STPG2: variants seen among roughly 807,000 people sequenced by gnomAD.
STPG2 encodes sperm tail PG-rich repeat containing 2, also known as sperm-tail PG-rich repeat-containing protein 2.
STPG2 carries 56 observed loss-of-function variants against 54.2 expected under a neutral mutation model. The ratio of observed to expected loss-of-function variants is 1.03; its 90% CI spans 0.83 to 1.29. The LOEUF (loss-of-function observed/expected upper bound fraction) is 1.29, where lower values mean the gene tolerates loss of function less well. Among genes scored for constraint, STPG2 ranks in the 50% most tolerant of loss-of-function variants. STPG2 has a pLI of 0.00. For missense variants in STPG2, 596 were observed against 544.9 expected (o/e 1.09, Z -0.93); for synonymous variants, 200 against 181.8 (o/e 1.10, Z -0.81).
chr4:98,044,273 C>T (rs896870156), intron 5 of STPG2, among the ~76,000 whole-genome samples: 1 of 152,072 alleles, frequency 6.6e-6, no homozygotes, highest in Non-Finnish European at 1.5e-5. Flanking sequence ...CCTTTACCAA[C>T]AAGTTTCATA....
intron 9 of STPG2, among the ~76,000 whole-genome samples, chr4:97,831,409 A>G (rs1728455802): frequency 6.6e-6 from 1 of 152,314 alleles, no homozygotes; most frequent in South Asian, 2.1e-4. Context: ...AAATGGCCAC[A>G]AGAGAAAGTA....
In STPG2 at chr4:97,840,806, G is replaced by C. The variant is rs528378286; in HGVS notation, c.1171C>G (p.Pro391Ala). Residue 391 changes from proline to alanine, a missense_variant, in exon 9 of 11, where the codon CCT becomes GCT. Coordinates refer to ENST00000295268, the MANE Select transcript of STPG2 (RefSeq NM_174952.3). ...RKHASFLSAT[P>A]RCLEKVTDGP... Reference sequence around the variant, plus strand: ...TCAGTCACTTTTTCTAGGCACCGAGGAGTTGCACTAAGAAAAGAGGCATGT... The same window carrying C: ...TCAGTCACTTTTTCTAGGCACCGAGCAGTTGCACTAAGAAAAGAGGCATGT... 1.6e-5 allele frequency: 25 copies of C among 1,611,814 alleles called. No individual in the cohort carries two copies. In the South Asian group the frequency reaches 2.7e-4, roughly 18 times the overall value.
intron 9 of STPG2, among the ~76,000 whole-genome samples, chr4:97,732,814 T>TG (rs60852380): frequency 0.018 from 2,674 of 151,868 alleles, 72 homozygotes; most frequent in African/African-American, 0.061. Context: ...GATATAAAAA[T>TG]GGCCAACAAA....
chr4:97,585,950 C>A (rs1331372944), intron 10 of STPG2, among the ~76,000 whole-genome samples: 1 of 151,700 alleles, frequency 6.6e-6, no homozygotes, highest in African/African-American at 2.4e-5. Flanking sequence ...AATTAAAAAT[C>A]GCCCATCATA....
At chr4:97,729,703 A>G (rs966287544) in intron 9 of STPG2, among the ~76,000 whole-genome samples, 1 of 152,144 alleles carries the variant, frequency 6.6e-6, no homozygotes, top group Non-Finnish European at 1.5e-5. Context: ...CCCTCCTAAC[A>G]AGAGTAACAA....
At chr4:97,668,428 G>A (rs1162970761) in intron 10 of STPG2, among the ~76,000 whole-genome samples, 1 of 152,134 alleles carries the variant, frequency 6.6e-6, no homozygotes, top group Non-Finnish European at 1.5e-5. Flanking sequence ...GAAATGATCA[G>A]ATCTATGGCT....
At chr4:97,972,706 T>TGGG (rs1734375580) in intron 6 of STPG2, among the ~76,000 whole-genome samples, 1 of 152,302 alleles carries the variant, frequency 6.6e-6, no homozygotes, top group East Asian at 1.9e-4. Context: ...GGAACTGTCA[T>TGGG]AGGAGGAACC....
intron 8 of STPG2, among the ~76,000 whole-genome samples, chr4:97,891,683 A>C (rs1279988217): frequency 6.6e-6 from 1 of 152,116 alleles, no homozygotes; most frequent in African/African-American, 2.4e-5. Flanking sequence ...AAAAATCTTA[A>C]AGAAAATATA....
chr4:97,789,720 T>G (rs1726933938), intron 9 of STPG2, among the ~76,000 whole-genome samples: 1 of 152,152 alleles, frequency 6.6e-6, no homozygotes, highest in Non-Finnish European at 1.5e-5. Context: ...TTATAAGGCT[T>G]GTTAGATGTC....
At chr4:98,025,829 G>C in intron 5 of STPG2, 3 of 1,595,822 alleles carry the variant, frequency 1.9e-6, no homozygotes, top group Non-Finnish European at 2.6e-6. Flanking sequence ...TTTGGATGCA[G>C]GCCTTGCCAG....
intron 10 of STPG2, among the ~76,000 whole-genome samples, chr4:97,580,972 AT>A (rs1043604045): frequency 7.9e-5 from 12 of 152,080 alleles, no homozygotes; most frequent in African/African-American, 2.9e-4. Flanking sequence ...AAAAAATACA[AT>A]TATAAATTTT....
At chr4:97,524,913 C>T (rs1276086127) in intron 4 of STPG2, among the ~76,000 whole-genome samples, 1 of 151,928 alleles carries the variant, frequency 6.6e-6, no homozygotes, top group Non-Finnish European at 1.5e-5. Context: ...CTGATTGAAA[C>T]ATCAAGTTGA....
intron 5 of STPG2, among the ~76,000 whole-genome samples, chr4:98,017,214 T>A (rs968042404): frequency 6.6e-6 from 1 of 152,236 alleles, no homozygotes; most frequent in Non-Finnish European, 1.5e-5. Flanking sequence ...TACCGGCTTT[T>A]TGCCTGGGTC....
At chr4:98,094,495 C>T (rs548015406) in intron 5 of STPG2, among the ~76,000 whole-genome samples, 3 of 152,246 alleles carry the variant, frequency 2.0e-5, no homozygotes, top group South Asian at 2.1e-4. Flanking sequence ...GACTTTGTCT[C>T]GCACCAACTC....
chr4:97,537,858 C>T (rs190231689), intron 4 of STPG2, among the ~76,000 whole-genome samples: 144 of 152,282 alleles, frequency 9.5e-4, no homozygotes, highest in Middle Eastern at 6.8e-3. Flanking sequence ...TCCAGAGGAA[C>T]GATCAGACAG....
At chr4:97,515,986 C>A (rs1397531958) in intron 4 of STPG2, among the ~76,000 whole-genome samples, 2 of 152,030 alleles carry the variant, frequency 1.3e-5, no homozygotes, top group Admixed American at 1.3e-4. Flanking sequence ...ACACTTAATG[C>A]AAACAGATGA....
chr4:97,630,259 C>A (rs1478173394), intron 10 of STPG2, among the ~76,000 whole-genome samples: 7 of 151,654 alleles, frequency 4.6e-5, no homozygotes, highest in Non-Finnish European at 8.9e-5. Context: ...TTATTAATTT[C>A]CTAGAGTTAT....
intron 10 of STPG2, among the ~76,000 whole-genome samples, chr4:97,590,049 C>T (rs1733097435): frequency 6.6e-6 from 1 of 152,114 alleles, no homozygotes; most frequent in Admixed American, 6.6e-5. Context: ...AACTTAGCAT[C>T]AGATCATATT....
chr4:98,070,804 G>A (rs545946760), intron 5 of STPG2, among the ~76,000 whole-genome samples: 52 of 151,920 alleles, frequency 3.4e-4, no homozygotes, highest in African/African-American at 1.2e-3. Flanking sequence ...ATACAGCTAA[G>A]AGAAGTAAAG....
Sources: gnomAD v4.1 joint callset for allele counts (sites outside exome capture counted in the v4.1 genomes callset) on GRCh38, gnomAD v4.1.1 for gene constraint, MANE v1.5 for transcripts, NCBI Gene and HGNC (gene_info 2026-07-23, HGNC 2026-07-21) for gene names.